TNR: variants seen among roughly 807,000 people sequenced by gnomAD.
The protein encoded by TNR is tenascin R.
Under a neutral mutation model 150.4 loss-of-function variants are expected in TNR, and 45 were observed. The ratio of observed to expected loss-of-function variants is 0.30; its 90% confidence interval spans 0.24 to 0.38. TNR has a LOEUF of 0.38. TNR is among the 10% of genes least tolerant of loss of function. The pLI is 1.00. For synonymous variants in TNR, 687 were observed against 678.4 expected (o/e 1.01, Z -0.20); for missense variants, 1,544 against 1,759.1 (o/e 0.88, Z 2.19).
At chr1:175,343,065 T>C (rs538987075) in intron 18 of TNR, among the ~76,000 whole-genome samples, 1 of 152,292 alleles carries the variant, frequency 6.6e-6, no homozygotes, top group East Asian at 1.9e-4. Context: ...CCCACCTGCA[T>C]TCATTCTCCA....
At chr1:175,458,634 C>T (rs1656673109) in intron 2 of TNR, among the ~76,000 whole-genome samples, 1 of 152,134 alleles carries the variant, frequency 6.6e-6, no homozygotes. Context: ...GTGCTTTGGA[C>T]ACCAGCAGGC....
At chr1:175,741,937 T>C (rs1217882421) in intron 1 of TNR, among the ~76,000 whole-genome samples, 2 of 151,880 alleles carry the variant, frequency 1.3e-5, no homozygotes, top group Admixed American at 6.6e-5. Context: ...CCATAAACAG[T>C]TAGGGGTTAA....
chr1:175,623,770 A>T (rs563298436), intron 1 of TNR, among the ~76,000 whole-genome samples: 11 of 152,358 alleles, frequency 7.2e-5, no homozygotes, highest in African/African-American at 1.9e-4. Flanking sequence ...TGATGATAAA[A>T]TGCTAGGGGA....
At chr1:175,378,580 C>T (rs543635914) in intron 9 of TNR, among the ~76,000 whole-genome samples, 1 of 152,202 alleles carries the variant, frequency 6.6e-6, no homozygotes, top group Non-Finnish European at 1.5e-5. Flanking sequence ...GGGGAGTAAC[C>T]TGGGAGTGGA....
intron 1 of TNR, among the ~76,000 whole-genome samples, chr1:175,723,696 AC>A (rs1667402803): frequency 1.3e-5 from 2 of 152,090 alleles, no homozygotes; most frequent in African/African-American, 4.8e-5. Flanking sequence ...ACATGGTGAA[AC>A]CCCGTCTCTA....
intron 9 of TNR, among the ~76,000 whole-genome samples, 168 bp from the exon 10 acceptor site, chr1:175,367,465 A>G (rs190586454): frequency 1.2e-4 from 19 of 152,164 alleles, no homozygotes; most frequent in Middle Eastern, 3.2e-3. Flanking sequence ...ACTATTTAGG[A>G]ATCCCAAGTC....
chr1:175,658,656 T>G (rs2101895233), intron 1 of TNR, among the ~76,000 whole-genome samples: 1 of 152,320 alleles, frequency 6.6e-6, no homozygotes, highest in Non-Finnish European at 1.5e-5. Flanking sequence ...CCTTCTCTCT[T>G]CTTCCAGTCA....
chr1:175,718,050 A>C (rs1454402963), intron 1 of TNR, among the ~76,000 whole-genome samples: 3 of 152,222 alleles, frequency 2.0e-5, no homozygotes, highest in Non-Finnish European at 4.4e-5. Flanking sequence ...GCCTACTGTC[A>C]GTTGTTAGTA....
At chr1:175,487,693 G>A (rs1421447573) in intron 2 of TNR, among the ~76,000 whole-genome samples, 1 of 152,146 alleles carries the variant, frequency 6.6e-6, no homozygotes, top group Non-Finnish European at 1.5e-5. Context: ...TGAAAATGGG[G>A]ATAATCACAG....
intron 18 of TNR, among the ~76,000 whole-genome samples, chr1:175,338,996 A>G (rs982057586): frequency 6.6e-6 from 1 of 152,268 alleles, no homozygotes; most frequent in Non-Finnish European, 1.5e-5. Context: ...TACTGCAGGC[A>G]TGGTTATACC....
intron 1 of TNR, among the ~76,000 whole-genome samples, chr1:175,687,875 C>G (rs76322124): frequency 6.6e-6 from 1 of 152,110 alleles, no homozygotes; most frequent in East Asian, 1.9e-4. Flanking sequence ...TCCCCTCCCC[C>G]AGAATACGCT....
chr1:175,600,110 C>T (rs1663178470), intron 1 of TNR, among the ~76,000 whole-genome samples: 1 of 152,164 alleles, frequency 6.6e-6, no homozygotes, highest in African/African-American at 2.4e-5. Context: ...AGTTTTACCA[C>T]TTGTATTAGC....
chr1:175,736,873 T>C (rs938823927), intron 1 of TNR, among the ~76,000 whole-genome samples: 1 of 151,594 alleles, frequency 6.6e-6, no homozygotes. Flanking sequence ...ATCAAAAAAT[T>C]AGCTGGGCAT....
At chr1:175,655,587 G>A (rs2101892785) in intron 1 of TNR, among the ~76,000 whole-genome samples, 1 of 152,290 alleles carries the variant, frequency 6.6e-6, no homozygotes, top group South Asian at 2.1e-4. Flanking sequence ...GAGTCCTGGT[G>A]GTCACAGTTC....
At chr1:175,586,181 A>G (rs1437071778) in intron 1 of TNR, among the ~76,000 whole-genome samples, 1 of 152,190 alleles carries the variant, frequency 6.6e-6, no homozygotes. Context: ...GTCATCTAAA[A>G]GAGGTTGATT....
intron 2 of TNR, among the ~76,000 whole-genome samples, chr1:175,410,830 A>T (rs1654179823): frequency 6.6e-6 from 1 of 152,196 alleles, no homozygotes. Context: ...CACAGTGGAC[A>T]TGTCATGTGA....
intron 1 of TNR, chr1:175,656,577 G>C (rs916201399): frequency 5.2e-5 from 8 of 152,438 alleles, no homozygotes; most frequent in African/African-American, 1.9e-4. Flanking sequence ...TGGCTCTACT[G>C]CCTGTGCTCT....
intron 2 of TNR, among the ~76,000 whole-genome samples, chr1:175,427,731 T>TCC (rs1557927818): frequency 3.2e-5 from 4 of 126,706 alleles, no homozygotes; most frequent in South Asian, 3.0e-4. Flanking sequence ...CTCTCTTTCT[T>TCC]TTCCTTCCTT....
At chr1:175,678,365 G>A (rs1049455245) in intron 1 of TNR, among the ~76,000 whole-genome samples, 1 of 152,184 alleles carries the variant, frequency 6.6e-6, no homozygotes, top group Non-Finnish European at 1.5e-5. Context: ...CATCTCCAGA[G>A]GACGGCCCTG....
Sources: gnomAD v4.1 joint callset for allele counts (sites outside exome capture counted in the v4.1 genomes callset) on GRCh38, gnomAD v4.1.1 for gene constraint, MANE v1.5 for transcripts, NCBI Gene and HGNC (gene_info 2026-07-23, HGNC 2026-07-21) for gene names.